PLCB1: variants seen among roughly 807,000 people sequenced by gnomAD.
The protein encoded by PLCB1 is phospholipase C beta 1, also known as 1-phosphatidylinositol 4,5-bisphosphate phosphodiesterase beta-1.
Under a neutral mutation model 161.8 loss-of-function variants are expected in PLCB1, and 46 were observed. The ratio of observed to expected loss-of-function variants is 0.28; its 90% CI spans 0.22 to 0.36. The LOEUF is 0.36. Ranked by LOEUF, PLCB1 falls within the 10% of genes least tolerant of loss-of-function variation. The pLI is 1.00. For synonymous variants in PLCB1, 517 were observed against 503.7 expected, an observed-to-expected ratio of 1.03 and a Z score of -0.35; for missense variants, 1,016 against 1,472.5, an observed-to-expected ratio of 0.69 and a Z score of 5.07.
intron 31 of PLCB1, among the ~76,000 whole-genome samples, chr20:8,832,966 T>C (rs1247434800): frequency 1.3e-5 from 2 of 152,234 alleles, no homozygotes; most frequent in Admixed American, 6.5e-5. Context: ...CTCACTGTTA[T>C]GAGTTGAGTG....
chr20:8,571,413 CAG>C (rs1457628976), intron 3 of PLCB1, among the ~76,000 whole-genome samples: 2 of 152,080 alleles, frequency 1.3e-5, no homozygotes. Flanking sequence ...ACTCGGGAGA[CAG>C]AGGCTGCAGT....
At chr20:8,151,393 G>A (rs2123034157) in intron 2 of PLCB1, among the ~76,000 whole-genome samples, 1 of 152,142 alleles carries the variant, frequency 6.6e-6, no homozygotes, top group Admixed American at 6.5e-5. Flanking sequence ...CTGGTCCCAG[G>A]GCCACTCCTG....
chr20:8,695,815 G>A (rs1244641299), intron 10 of PLCB1, among the ~76,000 whole-genome samples: 4 of 152,218 alleles, frequency 2.6e-5, no homozygotes, highest in Non-Finnish European at 4.4e-5. Flanking sequence ...CCTGTTGCAA[G>A]AGCTATTTAT....
At chr20:8,374,521 A>G (rs1329989928) in intron 3 of PLCB1, among the ~76,000 whole-genome samples, 1 of 152,096 alleles carries the variant, frequency 6.6e-6, no homozygotes, top group Non-Finnish European at 1.5e-5. Flanking sequence ...TGGCCTCCCC[A>G]CCTAACAGTG....
intron 3 of PLCB1, among the ~76,000 whole-genome samples, chr20:8,582,804 A>G (rs11904975): frequency 0.11 from 16,214 of 152,180 alleles, 1,002 homozygotes; most frequent in South Asian, 0.15. Flanking sequence ...CCTGGCCCAC[A>G]TGGTGAGACT....
At chr20:8,476,998 G>A (rs1395753666) in intron 3 of PLCB1, among the ~76,000 whole-genome samples, 1 of 152,118 alleles carries the variant, frequency 6.6e-6, no homozygotes, top group African/African-American at 2.4e-5. Flanking sequence ...GGAAACTGAT[G>A]GTCCATTGTA....
At chr20:8,434,338 T>G (rs1410729910) in intron 3 of PLCB1, among the ~76,000 whole-genome samples, 1 of 152,146 alleles carries the variant, frequency 6.6e-6, no homozygotes, top group Non-Finnish European at 1.5e-5. Flanking sequence ...CAGATTGGTC[T>G]CTGTCCTTAA....
intron 3 of PLCB1, among the ~76,000 whole-genome samples, chr20:8,536,299 C>A (rs1361167189): frequency 6.6e-6 from 1 of 152,138 alleles, no homozygotes; most frequent in East Asian, 1.9e-4. Flanking sequence ...AAAAAAACCA[C>A]CATGTTAGGC....
At chr20:8,859,575 G>T (rs565618469) in intron 31 of PLCB1, among the ~76,000 whole-genome samples, 221 of 148,968 alleles carry the variant, frequency 1.5e-3, no homozygotes, top group African/African-American at 4.9e-3. Flanking sequence ...AAACCTTTTG[G>T]TTTTTTTTTT....
At chr20:8,820,736 T>G (rs1424693160) in intron 31 of PLCB1, among the ~76,000 whole-genome samples, 1 of 152,130 alleles carries the variant, frequency 6.6e-6, no homozygotes, top group Admixed American at 6.6e-5. Context: ...ATAACCCACC[T>G]ATAATAGTAG....
intron 3 of PLCB1, among the ~76,000 whole-genome samples, chr20:8,534,609 A>G (rs1311680161): frequency 6.6e-6 from 1 of 152,128 alleles, no homozygotes; most frequent in Non-Finnish European, 1.5e-5. Context: ...GCTTCCAGCC[A>G]TCTGGGAGAG....
At chr20:8,242,113 ACT>A (rs1260625993) in intron 2 of PLCB1, among the ~76,000 whole-genome samples, 1 of 151,922 alleles carries the variant, frequency 6.6e-6, no homozygotes, top group Non-Finnish European at 1.5e-5. Flanking sequence ...TCTCCAGAGA[ACT>A]TAGTGTCTCT....
chr20:8,834,620 G>T (rs914153230), intron 31 of PLCB1, among the ~76,000 whole-genome samples: 1 of 151,878 alleles, frequency 6.6e-6, no homozygotes, highest in Non-Finnish European at 1.5e-5. Flanking sequence ...TTCAAGACTA[G>T]CCTGGCCAAC....
intron 23 of PLCB1, among the ~76,000 whole-genome samples, chr20:8,742,339 GTA>G (rs1980925009): frequency 6.6e-6 from 1 of 152,108 alleles, no homozygotes; most frequent in South Asian, 2.1e-4. Flanking sequence ...AGAACTGTCA[GTA>G]TTGGGGGAAA....
intron 15 of PLCB1, 50 bp downstream of exon 15, chr20:8,722,471 CT>C: frequency 7.8e-7 from 1 of 1,288,926 alleles, no homozygotes; most frequent in Non-Finnish European, 1.1e-6. Flanking sequence ...ACCCTGTACT[CT>C]CCTGGGTCTG....
chr20:8,502,817 A>G (rs1035841480), intron 3 of PLCB1, among the ~76,000 whole-genome samples: 1 of 152,102 alleles, frequency 6.6e-6, no homozygotes, highest in East Asian at 1.9e-4. Context: ...TGACCCCTAG[A>G]GAGGAATAAA....
chr20:8,544,650 C>T (rs573823915), intron 3 of PLCB1, among the ~76,000 whole-genome samples: 45 of 152,276 alleles, frequency 3.0e-4, no homozygotes, highest in African/African-American at 8.9e-4. Flanking sequence ...ACATCAGTGA[C>T]GCCAAGAAGT....
intron 3 of PLCB1, among the ~76,000 whole-genome samples, chr20:8,515,036 A>G (rs1984053823): frequency 6.6e-6 from 1 of 152,198 alleles, no homozygotes; most frequent in African/African-American, 2.4e-5. Flanking sequence ...GCCCACTAAC[A>G]TTGATTAGCT....
chr20:8,630,942 C>T (rs1332599130), intron 4 of PLCB1, among the ~76,000 whole-genome samples: 2 of 152,194 alleles, frequency 1.3e-5, no homozygotes, highest in South Asian at 2.1e-4. Flanking sequence ...AATATTCCCT[C>T]TCAGGAGTGC....
Sources: allele counts gnomAD v4.1 joint callset (sites outside exome capture counted in the v4.1 genomes callset), GRCh38; gene constraint gnomAD v4.1.1; transcripts MANE v1.5; gene names NCBI Gene and HGNC (gene_info 2026-07-23, HGNC 2026-07-21).